EVC: variants seen among roughly 807,000 people sequenced by gnomAD.
EVC encodes evC complex member EVC.
EVC carries 116 observed loss-of-function variants against 118.9 expected under a neutral mutation model. The ratio of observed to expected loss-of-function variants is 0.98; its 90% CI spans 0.84 to 1.14. The LOEUF (loss-of-function observed/expected upper bound fraction) is 1.14, where lower values mean the gene tolerates loss of function less well. Among genes scored for constraint, EVC ranks in the 50% most tolerant of loss-of-function variants. EVC has a pLI of 0.00. For synonymous variants in EVC, 619 were observed against 534.7 expected, an observed-to-expected ratio of 1.16 and a Z score of -2.18; for missense variants, 1,401 against 1,246.4, an observed-to-expected ratio of 1.12 and a Z score of -1.87.
chr4:5,821,176 C>G, the EVC span: 1 of 152,690 alleles, frequency 6.5e-6, no homozygotes, highest in African/African-American at 2.4e-5. This position sits in a 1 kb window ranked among gnomAD's most constrained non-coding sequence, Gnocchi z 4.4. Context: ...GCTTCCCCTG[C>G]CATTCCGAGA....
chr4:5,747,253 A>AGCAT (rs58158016), intron 7 of EVC, among the ~76,000 whole-genome samples: 24 of 151,220 alleles, frequency 1.6e-4, no homozygotes, highest in Admixed American at 9.9e-4. Context: ...CAACAAAATC[A>AGCAT]TGGGTTTCTG....
In EVC at chr4:5,752,944, G is replaced by A. The variant is rs183114391; in HGVS notation, c.1207G>A (p.Gly403Ser). Reference sequence around the variant, plus strand: ...GTGCCGGCTGGCTGCCATCTCCCACGGCCTGGAGCTGCTGGCTGGTGAGGG... The same window carrying A: ...GTGCCGGCTGGCTGCCATCTCCCACAGCCTGGAGCTGCTGGCTGGTGAGGG... ...TRCRLAAISH[G>S]LELLAGEGKL... The change falls in exon 9 of 21, where the codon GGC (glycine) becomes AGC (serine). Residue 403 changes from glycine (G) to serine (S), a missense_variant. Physicochemically the swap from Gly to Ser is moderately conservative, Grantham distance 56 (BLOSUM62 0). Coordinates refer to ENST00000264956, the MANE Select transcript of EVC (RefSeq NM_153717.3). The A allele has an allele frequency of 4.0e-5, 65 of 1,614,084 alleles. 1 individual carries two copies. The Middle Eastern group carries it at 4.9e-4, about 12-fold the overall frequency.
intron 2 of EVC, among the ~76,000 whole-genome samples, chr4:5,720,633 G>A (rs940521774): frequency 6.6e-5 from 10 of 152,216 alleles, no homozygotes; most frequent in Non-Finnish European, 1.5e-4. Context: ...TTTTGCGTTA[G>A]CCCTGCATCT....
chr4:5,807,103 T>G (rs1408780513), intron 17 of EVC, among the ~76,000 whole-genome samples: 1 of 152,132 alleles, frequency 6.6e-6, no homozygotes, highest in Non-Finnish European at 1.5e-5. Flanking sequence ...ATGAGTGATT[T>G]GTTTACTGTC....
chr4:5,758,345 G>A, intron 11 of EVC: 1 of 537,508 alleles, frequency 1.9e-6, no homozygotes, highest in Non-Finnish European at 3.3e-6. Flanking sequence ...GGCAGCCACA[G>A]GAAACTAAAC....
At position 5,793,715 on chromosome 4, in the gene EVC, A is replaced by T. The variant is rs1194874013; in HGVS notation, c.1884A>T (p.Glu628Asp). Residue 628 changes from glutamate (E) to aspartate (D), a missense_variant and splice_region_variant, in exon 13 of 21, where the codon GAA (glutamate) becomes GAT (aspartate). Coordinates refer to ENST00000264956, the MANE Select transcript of EVC (RefSeq NM_153717.3). ...TGGGCCGACTGGGCGGCCTCACTGA[A>T]GAGTGAGTACAGCTCCCTGAAGGCC... ...GVLGRLGGLTEESTRCVLQGH... is the reference protein window; with the variant it reads ...GVLGRLGGLTDESTRCVLQGH... 2.6e-6 allele frequency: 4 copies of T among 1,548,674 alleles called. No individual in the cohort carries two copies. In the East Asian group the frequency reaches 9.8e-5, roughly 38 times the overall value.
intron 11 of EVC, among the ~76,000 whole-genome samples, chr4:5,761,508 G>T (rs1732004869): frequency 7.0e-6 from 1 of 143,864 alleles, no homozygotes; most frequent in Non-Finnish European, 1.5e-5. Flanking sequence ...GGGGCGGGGG[G>T]TGGTTGGGGG....
rs1366377011 is a variant in EVC at position 5,813,000 on chromosome 4, C to T, written c.*1963C>T. 6.6e-6 allele frequency: 1 copy of T among 152,214 alleles called. No homozygotes were observed. Among genetic ancestry groups the T allele is most frequent in the African/African-American group, 2.4e-5 (1 of 41,460 alleles). The allele number at this position is 152,214 out of a possible 1,614,324, so 9.4% of individuals were successfully genotyped here. ...ATTTTCAGGGTCATTTGTGACTTTT[C>T]ATTTCTTAAAACCTGAAATAGACTC... is the stretch of plus-strand genomic sequence containing the variant. On this transcript the variant is annotated 3_prime_UTR_variant, in exon 21 of 21. Transcript: ENST00000264956.
the EVC span, chr4:5,824,759 C>G: frequency 4.1e-6 from 4 of 984,812 alleles, no homozygotes; most frequent in Non-Finnish European, 4.8e-6. Flanking sequence ...CTCTTAGTAC[C>G]CAGCACGGTG....
chr4:5,723,335 A>C (rs1307273640), intron 2 of EVC, among the ~76,000 whole-genome samples: 1 of 151,856 alleles, frequency 6.6e-6, no homozygotes, highest in South Asian at 2.1e-4. Flanking sequence ...GATTACAGGC[A>C]TGCGCCACCA....
chr4:5,818,184 TTCTC>T (rs199888571), downstream of EVC, among the ~76,000 whole-genome samples: 1,805 of 152,298 alleles, frequency 0.012, 35 homozygotes, highest in African/African-American at 0.041. Flanking sequence ...TTGGTTCTCA[TTCTC>T]TCTCTTGCCT....
chr4:5,753,417 G>A (rs529915575), intron 9 of EVC, among the ~76,000 whole-genome samples: 70 of 152,328 alleles, frequency 4.6e-4, no homozygotes, highest in African/African-American at 1.5e-3. Context: ...GTCGCCCAGC[G>A]GCAGCTCATG....
At chr4:5,711,582 G>C in intron 1 of EVC, 28 bp downstream of exon 1, 1 of 1,172,180 alleles carries the variant, frequency 8.5e-7, no homozygotes, top group Non-Finnish European at 1.1e-6. Context: ...ACAGCGGCGG[G>C]GCGGGGAGCG....
chr4:5,728,674 G>A (rs899628801), intron 2 of EVC, among the ~76,000 whole-genome samples: 2 of 152,214 alleles, frequency 1.3e-5, no homozygotes, highest in African/African-American at 4.8e-5. Context: ...GAGGTTCAGA[G>A]GAGTTAGAAG....
In EVC at chr4:5,782,536, GAAAAAAAA is replaced by G. The variant is rs71171483; in HGVS notation, c.1564-992_1564-985del. On this transcript the variant is annotated intron_variant, in intron 11 of 20. Coordinates refer to ENST00000264956, the MANE Select transcript of EVC (RefSeq NM_153717.3). ...AGCCTCCCGCTTCCATGTTTTAAAT[GAAAAAAAA>G]AAAAAAAAAAAAAAAAAAAAAAAGA... 3.7e-4 allele frequency among the ~76,000 whole-genome samples: 17 copies of G among 45,736 alleles called. No homozygotes were observed. The South Asian group carries it at 6.7e-3, about 18-fold the overall frequency. The allele number at this position is 45,736 out of a possible 152,430, so 30.0% of individuals were successfully genotyped here. A position where few individuals can be genotyped will look rare whatever the true frequency, so the allele number is the denominator to read the frequency against.
At position 5,738,051 on chromosome 4, in the gene EVC, T is replaced by C. The variant is rs535791709; in HGVS notation, c.703-3665T>C. Among the ~76,000 whole-genome samples the C allele has an allele frequency of 2.0e-5, 3 of 152,326 alleles. No individual in the cohort carries two copies. Among genetic ancestry groups the C allele is most frequent in the Admixed American group, 2.0e-4 (3 of 15,300 alleles). The stretch of plus-strand genomic sequence containing the variant: ...ATAGGAGGAGGTCAAAATATCAACA[T>C]TAACAAGAGTTTGGAAGAGGTTGAT... On this transcript the variant is annotated intron_variant, in intron 5 of 20. Transcript: ENST00000264956. The surrounding 1 kb of genome is among the most constrained non-coding windows in gnomAD (Gnocchi z 6.5).
In EVC at chr4:5,798,582, C is replaced by G. The variant is rs771784128; in HGVS notation, c.2098-4C>G. The G allele has an allele frequency of 3.9e-6, 6 of 1,558,098 alleles. No individual in the cohort carries two copies. The Admixed American group carries it at 1.2e-4, about 30-fold the overall frequency. ...GCCCCTGCTCCCAGTCCTTTCCCTC[C>G]CAGGAGGCGCGTGTGCTGGAGGAGG... On this transcript the variant is annotated splice_region_variant and splice_polypyrimidine_tract_variant and intron_variant, in intron 14 of 20. Coordinates refer to ENST00000264956, the MANE Select transcript of EVC (RefSeq NM_153717.3). The surrounding 1 kb of genome is among the most constrained non-coding windows in gnomAD (Gnocchi z 4.1).
intron 2 of EVC, among the ~76,000 whole-genome samples, chr4:5,727,515 T>C (rs1016686349): frequency 2.0e-5 from 3 of 152,216 alleles, no homozygotes; most frequent in East Asian, 1.9e-4. Flanking sequence ...TCTCCCATTT[T>C]GTAGGTTGCC....
chr4:5,773,388 C>T (rs1245608424), intron 11 of EVC, among the ~76,000 whole-genome samples: 4 of 152,130 alleles, frequency 2.6e-5, no homozygotes, highest in Non-Finnish European at 4.4e-5. Context: ...CATCTTCCCC[C>T]TAAGACCTGT....
Sources: gnomAD v4.1 joint callset for allele counts (sites outside exome capture counted in the v4.1 genomes callset) on GRCh38, gnomAD v4.1.1 for gene constraint, Gnocchi (gnomAD v3.1) non-coding constraint, MANE v1.5 for transcripts, NCBI Gene and HGNC (gene_info 2026-07-23, HGNC 2026-07-21) for gene names.